Variants in PDS5A observed in about 807,000 individuals in gnomAD.
The protein encoded by PDS5A is PDS5 cohesin associated factor A, also known as sister chromatid cohesion protein PDS5 homolog A.
Under a neutral mutation model 167.1 loss-of-function variants are expected in PDS5A, and 42 were observed. The observed-to-expected ratio is 0.25, with a 90% CI of 0.20 to 0.33. The LOEUF is 0.33. PDS5A is among the 10% of genes least tolerant of loss of function. The pLI is 1.00. For synonymous variants in PDS5A, 553 were observed against 554.6 expected, an observed-to-expected ratio of 1.00 and a Z score of 0.04; for missense variants, 1,033 against 1,605.9, an observed-to-expected ratio of 0.64 and a Z score of 6.10.
chr4:39,934,615 CTT>C (rs5857707), intron 2 of PDS5A, among the ~76,000 whole-genome samples: 18 of 127,602 alleles, frequency 1.4e-4, no homozygotes, highest in South Asian at 2.3e-4. Flanking sequence ...CTTTTTTTTT[CTT>C]TTTTTTTTTT....
chr4:39,827,454 C>T (rs1246200063), intron 32 of PDS5A, among the ~76,000 whole-genome samples: 1 of 152,130 alleles, frequency 6.6e-6, no homozygotes, highest in East Asian at 1.9e-4. Flanking sequence ...GATGAACTGC[C>T]ATCACTGCAA....
chr4:39,890,671 C>G (rs980828447), intron 16 of PDS5A, among the ~76,000 whole-genome samples: 5 of 152,110 alleles, frequency 3.3e-5, no homozygotes, highest in Admixed American at 6.6e-5. Context: ...GGCTACAGTG[C>G]AGTGGCACGA....
At chr4:39,914,159 TTTG>T (rs200586253) in intron 8 of PDS5A, among the ~76,000 whole-genome samples, 26,468 of 128,740 alleles carry the variant, frequency 0.21, 2,469 homozygotes, top group South Asian at 0.32. Context: ...GATATACAAA[TTTG>T]TTTTTTTTTT....
At chr4:39,883,267 G>A (rs1158930614) in intron 17 of PDS5A, among the ~76,000 whole-genome samples, 1 of 151,936 alleles carries the variant, frequency 6.6e-6, no homozygotes, top group East Asian at 1.9e-4. Flanking sequence ...TGCAACTTCC[G>A]CCTCCCAGGT....
At chr4:39,848,765 C>A (rs1453746971) in intron 28 of PDS5A, 86 bp downstream of exon 28, 33 of 1,219,786 alleles carry the variant, frequency 2.7e-5, no homozygotes, top group Non-Finnish European at 3.6e-5. Flanking sequence ...GTGGTCAAGA[C>A]AATTCAATAT....
intron 17 of PDS5A, among the ~76,000 whole-genome samples, chr4:39,887,327 T>C (rs535804209): frequency 6.6e-6 from 1 of 152,334 alleles, no homozygotes; most frequent in African/African-American, 2.4e-5. Context: ...TAAAGTAATG[T>C]TGAATTTTAT....
chr4:39,845,717 A>C, intron 29 of PDS5A, 101 bp downstream of exon 29: 3 of 1,184,036 alleles, frequency 2.5e-6, no homozygotes, highest in Non-Finnish European at 3.3e-6. Flanking sequence ...CCTAAGAATC[A>C]GGAACTATAC....
At chr4:39,895,199 C>CAAAAAAA (rs34303340) in intron 16 of PDS5A, among the ~76,000 whole-genome samples, 11 of 93,362 alleles carry the variant, frequency 1.2e-4, no homozygotes, top group East Asian at 2.9e-4. Context: ...GACTCCGTCT[C>CAAAAAAA]AAAAAAAAAA....
chr4:39,953,422 GTT>G lies in PDS5A; in HGVS notation c.138+23016_138+23017del, dbSNP rs34704998. On this transcript the variant is annotated intron_variant, in intron 2 of 32. Transcript: ENST00000303538. ...TCAAACCATCAATGGTGAAGAATCA[GTT>G]TTTTTTTTTTTTTTCATTCCAACAC... Among the ~76,000 whole-genome samples, 718 of 142,540 alleles carry G rather than the reference GTT, an allele frequency of 5.0e-3. 8 individuals are homozygous for G. The highest frequency in any genetic ancestry group is 0.017 in the African/African-American group (642 of 38,556). 93.5% of individuals were successfully genotyped at this position (142,540 alleles called of 152,430 possible). A position where few individuals can be genotyped will look rare whatever the true frequency, so the allele number is the denominator to read the frequency against.
intron 11 of PDS5A, among the ~76,000 whole-genome samples, chr4:39,907,674 C>T (rs1239515130): frequency 6.6e-6 from 1 of 151,880 alleles, no homozygotes; most frequent in Non-Finnish European, 1.5e-5. Context: ...GCAAGCTCCG[C>T]CTCCCGGGTT....
In PDS5A at chr4:39,863,077, C is replaced by T. The variant is rs1315208538; in HGVS notation, c.2767-4G>A. ...GCCTTACTTGGTAACACTCATCCTA[C>T]AGCAGCACAGAAAAACTTAAATTGG... On this transcript the variant is annotated splice_region_variant and splice_polypyrimidine_tract_variant and intron_variant, in intron 24 of 32. Coordinates refer to ENST00000303538, the MANE Select transcript of PDS5A (RefSeq NM_001100399.2). The T allele has an allele frequency of 2.5e-6, 4 of 1,607,326 alleles. No homozygotes were observed. In the East Asian group the frequency reaches 6.7e-5, roughly 27 times the overall value.
At position 39,849,541 on chromosome 4, in the gene PDS5A, TGGA is replaced by T; in HGVS notation, c.3195_3197del (p.Pro1066del). 6.2e-7 allele frequency: 1 copy of T among 1,611,630 alleles called. No individual in the cohort carries two copies. Among genetic ancestry groups the T allele is most frequent in the Non-Finnish European group, 8.5e-7 (1 of 1,177,962 alleles). On this transcript the variant is annotated inframe_deletion, in exon 27 of 33. Coordinates refer to ENST00000303538, the MANE Select transcript of PDS5A (RefSeq NM_001100399.2). Reference sequence around the variant, plus strand: ...TTACTTCATTTGTCTTGGATTCATCTGGAGACTGGGCATCTCTGGTTAACTTGA... The same window carrying T: ...TTACTTCATTTGTCTTGGATTCATCTGACTGGGCATCTCTGGTTAACTTGA...
intron 26 of PDS5A, among the ~76,000 whole-genome samples, chr4:39,857,351 CAAA>C (rs1188060445): frequency 3.0e-5 from 2 of 67,738 alleles, no homozygotes. Context: ...GACTCCATCT[CAAA>C]AAAAAAAAAA....
chr4:39,899,683 C>CA (rs1036020896), intron 14 of PDS5A, among the ~76,000 whole-genome samples: 108 of 151,822 alleles, frequency 7.1e-4, no homozygotes, highest in African/African-American at 2.4e-3. Context: ...CTCACCTCTA[C>CA]AAAAAACATA....
At chr4:39,968,686 C>T (rs1375735733) in intron 2 of PDS5A, among the ~76,000 whole-genome samples, 2 of 151,850 alleles carry the variant, frequency 1.3e-5, no homozygotes, top group African/African-American at 4.8e-5. Context: ...CCCACCTCGG[C>T]CTTCCAAAGT....
rs745667141 is a variant in PDS5A, at chr4:39,874,316, T to C, written c.2250A>G (p.Lys750=). 1.9e-6 allele frequency: 3 copies of C among 1,613,104 alleles called. No homozygotes were observed. In the African/African-American group the frequency reaches 4.0e-5, roughly 22 times the overall value. Residue 750 remains lysine (K), a synonymous_variant, in exon 20 of 33, where the codon AAA becomes AAG. Coordinates refer to ENST00000303538, the MANE Select transcript of PDS5A (RefSeq NM_001100399.2). The part of the protein sequence containing the change: ...VHCIHAIFTN[K]EVQLAQIFEP... ...CAAAAATCTGTGCAAGCTGGACTTC[T>C]TTATTTGTGAATATGGCGTGTATAC...
At chr4:39,956,747 A>G (rs1032475564) in intron 2 of PDS5A, among the ~76,000 whole-genome samples, 4 of 151,568 alleles carry the variant, frequency 2.6e-5, no homozygotes, top group African/African-American at 9.7e-5. Context: ...ATTATGGTTC[A>G]CTGTACACTT....
chr4:39,920,434 A>G (rs1166051184), intron 6 of PDS5A, 35 bp from the exon 7 acceptor site: 1 of 990,542 alleles, frequency 1.0e-6, no homozygotes, highest in Non-Finnish European at 1.6e-6. Flanking sequence ...AGTTACAAAT[A>G]AATGTTAATT....
At position 39,977,477 on chromosome 4, in the gene PDS5A, A is replaced by C. The variant is rs1442223405; in HGVS notation, c.-61T>G. The C allele has an allele frequency of 2.0e-5, 3 of 153,832 alleles. No homozygotes were observed. Among genetic ancestry groups the C allele is most frequent in the African/African-American group, 7.3e-5 (3 of 41,206 alleles). 9.5% of individuals were successfully genotyped at this position (153,832 alleles called of 1,614,324 possible). A position where few individuals can be genotyped will look rare whatever the true frequency, so the allele number is the denominator to read the frequency against. On this transcript the variant is annotated 5_prime_UTR_variant, in exon 1 of 33. Coordinates refer to ENST00000303538, the MANE Select transcript of PDS5A (RefSeq NM_001100399.2). This position sits in a 1 kb window ranked among gnomAD's most constrained non-coding sequence, Gnocchi z 4.2. ...TTTACCTCCTCCTCATGCGGGCGGA[A>C]GGTGCATCGAGCGCCCGGGCCTCTG...
Sources: gnomAD v4.1 joint callset for allele counts (sites outside exome capture counted in the v4.1 genomes callset) on GRCh38, gnomAD v4.1.1 for gene constraint, Gnocchi (gnomAD v3.1) non-coding constraint, MANE v1.5 for transcripts, NCBI Gene and HGNC (gene_info 2026-07-23, HGNC 2026-07-21) for gene names.